The following ETNPPL variants were observed in gnomAD, a reference collection of about 807,000 sequenced individuals.
The protein encoded by ETNPPL is ethanolamine-phosphate phospho-lyase, also known as alanine--glyoxylate aminotransferase 2-like 1.
In ETNPPL, 30 loss-of-function variants were observed where a neutral mutation model predicts 55.5. The observed-to-expected ratio is 0.54, with a 90% CI of 0.40 to 0.73. ETNPPL has a LOEUF of 0.73. Ranked by LOEUF, ETNPPL falls within the 30% of genes least tolerant of loss-of-function variation. The pLI, the probability that ETNPPL is intolerant of heterozygous loss-of-function variation, is 0.00. For missense variants in ETNPPL, 528 were observed against 607.9 expected (o/e 0.87, Z 1.38); for synonymous variants, 202 against 207.2 (o/e 0.98, Z 0.21).
chr4:108,760,289 A>G lies in ETNPPL; in HGVS notation c.74T>C (p.Phe25Ser). 6.2e-7 allele frequency: 1 copy of G among 1,602,784 alleles called. No individual in the cohort carries two copies. Among genetic ancestry groups the G allele is most frequent in the Non-Finnish European group, 8.5e-7 (1 of 1,170,336 alleles). The change falls in exon 2 of 13, where the codon TTC becomes TCC. Residue 25 changes from phenylalanine (F) to serine (S), a missense_variant. Phe to Ser is a radical substitution (Grantham distance 155, BLOSUM62 -2). Coordinates refer to ENST00000296486, the MANE Select transcript of ETNPPL (RefSeq NM_031279.4). ...KKHIGPSCKVFFASDPIKIVR... is the reference protein window; with the variant it reads ...KKHIGPSCKVSFASDPIKIVR... The stretch of plus-strand genomic sequence containing the variant: ...TATTTTGATGGGATCCGATGCAAAG[A>G]AAACTTTGCATGAGGGCCTAGAAAT...
chr4:108,746,864 A>T lies in ETNPPL; in HGVS notation c.1083-13T>A. The T allele has an allele frequency of 6.3e-7, 1 of 1,596,990 alleles. No homozygotes were observed. Among genetic ancestry groups the T allele is most frequent in the Non-Finnish European group, 8.6e-7 (1 of 1,164,562 alleles). On this transcript the variant is annotated splice_polypyrimidine_tract_variant and intron_variant, in intron 9 of 12. Transcript: ENST00000296486. ...AAGGCCAATGCCCCTGCGAGAGGTGAAGAAAAACTTGACCCACAATCTGTC... is the reference window on the plus strand; with the variant it reads ...AAGGCCAATGCCCCTGCGAGAGGTGTAGAAAAACTTGACCCACAATCTGTC...
intron 6 of ETNPPL, among the ~76,000 whole-genome samples, chr4:108,752,320 T>C (rs914889627): frequency 6.6e-6 from 1 of 152,160 alleles, no homozygotes; most frequent in African/African-American, 2.4e-5. Flanking sequence ...ACAGATGGGC[T>C]GAGAATTGAA....
At chr4:108,762,766 G>A (rs1729576205) in intron 1 of ETNPPL, 77 bp downstream of exon 1, 1 of 1,515,388 alleles carries the variant, frequency 6.6e-7, no homozygotes, top group African/African-American at 1.4e-5. Context: ...TTGTTCCCTA[G>A]CCGGCTTTCT....
intron 5 of ETNPPL, 87 bp from the exon 6 acceptor site, chr4:108,753,098 G>C (rs1560655755): frequency 1.4e-6 from 1 of 727,176 alleles, no homozygotes; most frequent in Non-Finnish European, 2.4e-6. Context: ...GAACATGTTA[G>C]AATGGTGATC....
chr4:108,746,781 C>T lies in ETNPPL; in HGVS notation c.1153G>A (p.Ala385Thr). 1 of 1,613,922 alleles carries T rather than the reference C, an allele frequency of 6.2e-7. No homozygotes were observed. The highest frequency in any genetic ancestry group is 8.5e-7 in the Non-Finnish European group (1 of 1,179,912). Residue 385 changes from alanine (A) to threonine (T), a missense_variant, in exon 10 of 13, where the codon GCT (alanine) becomes ACT (threonine). Transcript: ENST00000296486. ...HLKRTPATAE[A>T]QHIIYKMKEK... is the part of the protein sequence containing the mutation. Reference sequence around the variant, plus strand: ...AATTACTTGTAGATGATGTGCTGAGCTTCAGCTGTGGCAGGGGTCCTTTTC... The same window carrying T: ...AATTACTTGTAGATGATGTGCTGAGTTTCAGCTGTGGCAGGGGTCCTTTTC...
At chr4:108,746,283 T>G (rs2125670957) in intron 11 of ETNPPL, 116 bp downstream of exon 11, 2 of 887,710 alleles carry the variant, frequency 2.3e-6, no homozygotes, top group East Asian at 5.9e-5. Context: ...ATTTCTGCCC[T>G]GCCTCACTTC....
chr4:108,762,630 G>C, intron 1 of ETNPPL: 1 of 659,808 alleles, frequency 1.5e-6, no homozygotes, highest in Non-Finnish European at 2.7e-6. Flanking sequence ...ACTTTCGAGC[G>C]GGCAGGAAGC....
chr4:108,747,989 T>G lies in ETNPPL; in HGVS notation c.1082+16A>C. The G allele has an allele frequency of 6.3e-7, 1 of 1,595,982 alleles. No homozygotes were observed. The highest frequency in any genetic ancestry group is 2.3e-5 in the East Asian group (1 of 44,370). Reference sequence around the variant, plus strand: ...AAAAAATGAGTAACTACATGACAACTTCATAATGAACATACCTAATATCTC... The same window carrying G: ...AAAAAATGAGTAACTACATGACAACGTCATAATGAACATACCTAATATCTC... On this transcript the variant is annotated intron_variant, in intron 9 of 12. Transcript: ENST00000296486.
rs531366880 is a variant in ETNPPL, at chr4:108,746,576, C to T, written c.1173-47G>A. ...TGTGAGTGTATGCAAAGGATAACTA[C>T]GATTACTGAAGAATTATGTGAACAT... On this transcript the variant is annotated intron_variant, in intron 10 of 12. Transcript: ENST00000296486. 110 of 1,591,936 alleles carry T rather than the reference C, an allele frequency of 6.9e-5. 1 individual carries two copies. The highest frequency in any genetic ancestry group is 2.7e-4 in the South Asian group (24 of 88,450).
At chr4:108,746,953 A>G (rs1354929529) in intron 9 of ETNPPL, 102 bp from the exon 10 acceptor site, 1 of 726,220 alleles carries the variant, frequency 1.4e-6, no homozygotes, top group East Asian at 2.6e-5. Flanking sequence ...TCCAAGTTTA[A>G]TTCTAACTAA....
At chr4:108,758,004 T>TAC (rs1406288218) in intron 3 of ETNPPL, among the ~76,000 whole-genome samples, 8 of 132,834 alleles carry the variant, frequency 6.0e-5, no homozygotes, top group African/African-American at 2.3e-4. Context: ...ATATATTTCT[T>TAC]TCTTTTTTTT....
intron 8 of ETNPPL, 87 bp from the exon 9 acceptor site, chr4:108,748,246 C>T: frequency 2.4e-6 from 2 of 837,862 alleles, no homozygotes; most frequent in South Asian, 3.9e-5. Flanking sequence ...CTCATACATA[C>T]ATAAGTGAAG....
At chr4:108,753,749 T>TAGAAAGA in intron 5 of ETNPPL, among the ~76,000 whole-genome samples, 1 of 76,766 alleles carries the variant, frequency 1.3e-5, no homozygotes, top group South Asian at 5.5e-4. Context: ...CTCAAATAAA[T>TAGAAAGA]AAGAAAGAAA....
rs199940640 is a variant in ETNPPL at position 108,746,348 on chromosome 4, G to A, written c.1303+51C>T. The A allele has an allele frequency of 5.6e-5, 87 of 1,558,100 alleles. 1 individual carries two copies. Among genetic ancestry groups the A allele is most frequent in the Non-Finnish European group, 2.9e-5 (33 of 1,151,976 alleles). ...TTATGACTAGACCAGGGTTTGAGGG[G>A]TGGGTTTGGGAGAGGGAACAAGAAG... On this transcript the variant is annotated intron_variant, in intron 11 of 12. Coordinates refer to ENST00000296486, the MANE Select transcript of ETNPPL (RefSeq NM_031279.4).
At chr4:108,756,744 T>C (rs551874027) in intron 3 of ETNPPL, among the ~76,000 whole-genome samples, 5 of 152,242 alleles carry the variant, frequency 3.3e-5, no homozygotes, top group African/African-American at 1.2e-4. Context: ...GAGAATTGCT[T>C]CAACCTGGGA....
chr4:108,747,170 ATATATATATAATATATATATATAT>A, intron 9 of ETNPPL, among the ~76,000 whole-genome samples: 1 of 14,074 alleles, frequency 7.1e-5, no homozygotes, highest in Non-Finnish European at 1.0e-4. Flanking sequence ...TATATTATAT[ATATATATATAATATATATATATAT>A]TATATATATA....
chr4:108,759,932 C>G (rs751063810), intron 2 of ETNPPL, 24 bp from the exon 3 acceptor site: 2 of 1,608,390 alleles, frequency 1.2e-6, no homozygotes, highest in South Asian at 1.1e-5. Context: ...AACAAAAGCC[C>G]AAGAAATAAG....
chr4:108,755,113 A>T (rs972025376), intron 4 of ETNPPL, among the ~76,000 whole-genome samples: 12 of 152,240 alleles, frequency 7.9e-5, no homozygotes, highest in African/African-American at 2.9e-4. Flanking sequence ...GTAAATTTAA[A>T]AACAACTTTA....
chr4:108,749,945 C>T (rs1232783384), intron 7 of ETNPPL, among the ~76,000 whole-genome samples: 3 of 152,170 alleles, frequency 2.0e-5, no homozygotes, highest in African/African-American at 7.2e-5. Flanking sequence ...TTCCTGGCCT[C>T]AGGTGATCCT....
Sources: gnomAD v4.1 joint callset for allele counts (sites outside exome capture counted in the v4.1 genomes callset) on GRCh38, gnomAD v4.1.1 for gene constraint, MANE v1.5 for transcripts, NCBI Gene and HGNC (gene_info 2026-07-23, HGNC 2026-07-21) for gene names.